The following MAN1A1 variants were observed in gnomAD, a reference collection of about 807,000 sequenced individuals.
MAN1A1 encodes mannosyl-oligosaccharide 1,2-alpha-mannosidase IA.
Under a neutral mutation model 70.8 loss-of-function variants are expected in MAN1A1, and 29 were observed. The ratio of observed to expected loss-of-function variants is 0.41; its 90% CI spans 0.31 to 0.56. The LOEUF (loss-of-function observed/expected upper bound fraction) is 0.56. Among genes scored for constraint, MAN1A1 ranks in the 20% least tolerant of loss-of-function variants. The pLI is 0.29. For synonymous variants in MAN1A1, 349 were observed against 330.1 expected (o/e 1.06, Z -0.62); for missense variants, 747 against 841.3 (o/e 0.89, Z 1.39).
chr6:119,295,632 G>C (rs1254573071), intron 4 of MAN1A1, among the ~76,000 whole-genome samples: 2 of 152,078 alleles, frequency 1.3e-5, no homozygotes, highest in East Asian at 3.8e-4. Context: ...TCTATTCTGA[G>C]TGTTTGATTT....
rs1172984438 is a variant in MAN1A1, at chr6:119,348,620, T to C, written c.446A>G (p.Asp149Gly). 2.5e-6 allele frequency: 4 copies of C among 1,613,818 alleles called. No homozygotes were observed. Among genetic ancestry groups the C allele is most frequent in the Non-Finnish European group, 3.4e-6 (4 of 1,179,920 alleles). ...LQKLPEEIQR[D>G]ILLEKKKVAQ... Reference sequence around the variant, plus strand: ...CACCTTCTTCTTCTCCAGTAGGATGTCTCTTTGGATCTCCTCGGGCAGCTT... The same window carrying C: ...CACCTTCTTCTTCTCCAGTAGGATGCCTCTTTGGATCTCCTCGGGCAGCTT... Residue 149 changes from aspartate (D) to glycine (G), a missense_variant, in exon 2 of 13, where the codon GAC (aspartate) becomes GGC (glycine). Physicochemically the swap from Asp to Gly is moderately conservative, Grantham distance 94. This residue lies in a region of MAN1A1 where 328 missense variants were observed against 293.1 expected (regional missense o/e 1.12). Coordinates refer to ENST00000368468, the MANE Select transcript of MAN1A1 (RefSeq NM_005907.4).
Position 119,188,478 on chromosome 6 carries a change from A to T in MAN1A1, c.1646T>A (p.Met549Lys). The change falls in exon 11 of 13, where the codon ATG (methionine) becomes AAG (lysine). Residue 549 changes from methionine (M) to lysine (K), a missense_variant. Met to Lys is a moderately conservative substitution (Grantham distance 95). Coordinates refer to ENST00000368468, the MANE Select transcript of MAN1A1 (RefSeq NM_005907.4). ...EKYYILRPEV[M>K]ETYMYMWRLT... is the part of the protein sequence containing the mutation. ...TCTCCACATATACATGTAAGTCTCC[A>T]TAACTTCTGGCCGTAAGATGTAGTA... 1 of 1,614,070 alleles carries T rather than the reference A, an allele frequency of 6.2e-7. No homozygotes were observed. Among genetic ancestry groups the T allele is most frequent in the Non-Finnish European group, 8.5e-7 (1 of 1,179,942 alleles).
intron 11 of MAN1A1, among the ~76,000 whole-genome samples, chr6:119,186,039 T>G (rs138631658): frequency 6.6e-6 from 1 of 152,104 alleles, no homozygotes; most frequent in Non-Finnish European, 1.5e-5. Context: ...TGGCAGAACC[T>G]GCTGTCTTCG....
At chr6:119,306,138 T>G (rs953387273) in intron 3 of MAN1A1, among the ~76,000 whole-genome samples, 1 of 152,220 alleles carries the variant, frequency 6.6e-6, no homozygotes, top group Admixed American at 6.5e-5. Flanking sequence ...ATAGAAAGTG[T>G]TCTATTGTTG....
intron 6 of MAN1A1, among the ~76,000 whole-genome samples, chr6:119,212,406 G>A (rs1002985716): frequency 6.6e-6 from 1 of 152,120 alleles, no homozygotes; most frequent in Non-Finnish European, 1.5e-5. Flanking sequence ...TGTTCAACAG[G>A]TTAAAAAGTA....
chr6:119,349,849 C>T (rs982035653), upstream of MAN1A1: 10 of 721,918 alleles, frequency 1.4e-5, no homozygotes, highest in Admixed American at 1.3e-4. Context: ...TCACGCGCCG[C>T]CCAGGGTCCC....
At chr6:119,326,657 C>T (rs1238870306) in intron 2 of MAN1A1, among the ~76,000 whole-genome samples, 1 of 152,192 alleles carries the variant, frequency 6.6e-6, no homozygotes, top group Non-Finnish European at 1.5e-5. Flanking sequence ...CCACAGGAAA[C>T]TTACAATCAT....
At chr6:119,188,668 C>A in intron 10 of MAN1A1, 91 bp from the exon 11 acceptor site, 1 of 1,177,006 alleles carries the variant, frequency 8.5e-7, no homozygotes, top group Non-Finnish European at 1.2e-6. Flanking sequence ...TACAGTCATC[C>A]CTCAGTATCT....
rs3819727 is a variant in MAN1A1, at chr6:119,186,832, G to C, written c.1719+1573C>G. On this transcript the variant is annotated intron_variant, in intron 11 of 12. Coordinates refer to ENST00000368468, the MANE Select transcript of MAN1A1 (RefSeq NM_005907.4). ...ATGCCTTCGAAGTCCCAGTTTTTCT[G>C]GTTTAAAAAATGCAAGACCCTACAG... Among the ~76,000 whole-genome samples the C allele has an allele frequency of 2.1e-3, 320 of 152,174 alleles. 1 individual carries two copies. Among genetic ancestry groups the C allele is most frequent in the African/African-American group, 7.2e-3 (298 of 41,522 alleles).
chr6:119,313,820 AAAGGGGTCAGAACATTTG>A (rs1582795384), intron 2 of MAN1A1, among the ~76,000 whole-genome samples: 1 of 152,042 alleles, frequency 6.6e-6, no homozygotes, highest in Admixed American at 6.5e-5. Context: ...TAGGCTCGAA[AAAGGGGTCAGAACATTTG>A]AAGGGCCAGA....
intron 5 of MAN1A1, among the ~76,000 whole-genome samples, chr6:119,282,466 T>C (rs1776248533): frequency 6.6e-6 from 1 of 152,194 alleles, no homozygotes; most frequent in African/African-American, 2.4e-5. Flanking sequence ...CTATATTCCT[T>C]TTAAAGTACA....
At chr6:119,285,224 T>A (rs553674450) in intron 5 of MAN1A1, among the ~76,000 whole-genome samples, 1 of 150,688 alleles carries the variant, frequency 6.6e-6, no homozygotes, top group East Asian at 2.0e-4. Flanking sequence ...GTGATCCCCC[T>A]CCCTCAGTCT....
chr6:119,208,430 A>T (rs1258004565), intron 6 of MAN1A1, among the ~76,000 whole-genome samples: 1 of 152,216 alleles, frequency 6.6e-6, no homozygotes, highest in Non-Finnish European at 1.5e-5. Context: ...TCTTTAAAGG[A>T]ATTGAGTCAC....
intron 2 of MAN1A1, among the ~76,000 whole-genome samples, chr6:119,317,894 C>CA (rs959638183): frequency 5.4e-5 from 8 of 147,512 alleles, no homozygotes; most frequent in South Asian, 2.2e-4. Context: ...AAAAAAAAAA[C>CA]AAAAAAAACC....
At chr6:119,285,016 T>G (rs1029715773) in intron 5 of MAN1A1, among the ~76,000 whole-genome samples, 6 of 151,324 alleles carry the variant, frequency 4.0e-5, no homozygotes, top group Middle Eastern at 3.4e-3. Flanking sequence ...AATACCAGCA[T>G]CTGCTTCTGG....
chr6:119,347,637 G>A (rs1190711994), intron 2 of MAN1A1, among the ~76,000 whole-genome samples: 3 of 152,148 alleles, frequency 2.0e-5, no homozygotes, highest in Admixed American at 2.0e-4. Context: ...CTAGAGCTCT[G>A]GGCCCTTCGA....
At chr6:119,182,937 T>A (rs577367457) in intron 11 of MAN1A1, among the ~76,000 whole-genome samples, 61 of 152,248 alleles carry the variant, frequency 4.0e-4, no homozygotes, top group Non-Finnish European at 2.4e-4. Context: ...AAGCATAGAC[T>A]TTGCCTTATC....
intron 5 of MAN1A1, among the ~76,000 whole-genome samples, chr6:119,272,973 T>C (rs899026161): frequency 2.6e-5 from 4 of 152,120 alleles, no homozygotes; most frequent in South Asian, 2.1e-4. Flanking sequence ...AATCTATAAA[T>C]TGACTATAAA....
In MAN1A1 at chr6:119,250,134, C is replaced by G. The variant is rs1775277949; in HGVS notation, c.898-1780G>C. ...CTTCTTTCCCTTTCTCTGCCTTACCCCAGAGAAATTTCATGTTGTCTTCTG... is the reference window on the plus strand; with the variant it reads ...CTTCTTTCCCTTTCTCTGCCTTACCGCAGAGAAATTTCATGTTGTCTTCTG... On this transcript the variant is annotated intron_variant, in intron 5 of 12. Transcript: ENST00000368468. Among the ~76,000 whole-genome samples, 3 of 152,278 alleles carry G rather than the reference C, an allele frequency of 2.0e-5. No individual in the cohort carries two copies. In the South Asian group the frequency reaches 6.2e-4, roughly 32 times the overall value.
Sources: allele counts gnomAD v4.1 joint callset (sites outside exome capture counted in the v4.1 genomes callset), GRCh38; gene constraint gnomAD v4.1.1; regional missense constraint gnomAD v4.1.1; transcripts MANE v1.5; gene names NCBI Gene and HGNC (gene_info 2026-07-23, HGNC 2026-07-21).